CFAP91: variants seen among roughly 807,000 people sequenced by gnomAD.
The protein encoded by CFAP91 is cilia- and flagella-associated protein 91.
Under a neutral mutation model 95.9 loss-of-function variants are expected in CFAP91, and 85 were observed. The ratio of observed to expected loss-of-function variants is 0.89; its 90% CI spans 0.74 to 1.06. The LOEUF is 1.06. Ranked by LOEUF, CFAP91 falls within the 50% of genes least tolerant of loss-of-function variation. The pLI is 0.00. For missense variants in CFAP91, 962 were observed against 943.4 expected (o/e 1.02, Z -0.26); for synonymous variants, 335 against 327.5 (o/e 1.02, Z -0.25).
rs2054605736 is a variant in CFAP91, at chr3:119,765,130, A to T, written c.*80A>T. On this transcript the variant is annotated 3_prime_UTR_variant, in exon 18 of 18. Coordinates refer to ENST00000273390, the MANE Select transcript of CFAP91 (RefSeq NM_033364.4). The stretch of plus-strand genomic sequence containing the variant: ...AGTCTGCACTTCTCCCAAGGTGTGC[A>T]CTGCTCATAAACTTGCCAGTGTGTG... The T allele has an allele frequency of 6.6e-6, 1 of 152,204 alleles. No individual in the cohort carries two copies. Among genetic ancestry groups the T allele is most frequent in the Non-Finnish European group, 1.5e-5 (1 of 68,018 alleles). 9.4% of individuals were successfully genotyped at this position (152,204 alleles called of 1,614,324 possible).
At chr3:119,735,830 A>G (rs1355815519) in intron 10 of CFAP91, among the ~76,000 whole-genome samples, 1 of 152,032 alleles carries the variant, frequency 6.6e-6, no homozygotes. Flanking sequence ...TTTTACTTTT[A>G]TTGCTTTAGT....
rs77898226 is a variant in CFAP91 at position 119,720,830 on chromosome 3, C to T, written c.682+5087C>T. Among the ~76,000 whole-genome samples, 1,112 of 152,250 alleles carry T rather than the reference C, an allele frequency of 7.3e-3. 8 individuals carry two copies. Among genetic ancestry groups the T allele is most frequent in the Middle Eastern group, 0.037 (11 of 294 alleles). On this transcript the variant is annotated intron_variant, in intron 6 of 17. Coordinates refer to ENST00000273390, the MANE Select transcript of CFAP91 (RefSeq NM_033364.4). ...GCATTTGCATATAACCTACACACAT[C>T]CTCCCATATATTTAATCTCTAGATT...
chr3:119,763,479 G>A (rs560592797), intron 17 of CFAP91, among the ~76,000 whole-genome samples: 65 of 152,000 alleles, frequency 4.3e-4, no homozygotes, highest in Non-Finnish European at 8.2e-4. Context: ...TATATCCAAA[G>A]GTAATGAAAT....
At chr3:119,720,516 T>G (rs1307025978) in intron 6 of CFAP91, among the ~76,000 whole-genome samples, 1 of 152,078 alleles carries the variant, frequency 6.6e-6, no homozygotes, top group Non-Finnish European at 1.5e-5. Flanking sequence ...CTATAGAAAT[T>G]GACCTGGTAA....
In CFAP91 at chr3:119,749,936, T is replaced by A. The variant is rs570520997; in HGVS notation, c.2144-1001T>A. 4.5e-4 allele frequency among the ~76,000 whole-genome samples: 69 copies of A among 152,344 alleles called. 2 individuals are homozygous for A. Among genetic ancestry groups the A allele is most frequent in the African/African-American group, 1.7e-3 (69 of 41,576 alleles). Reference sequence around the variant, plus strand: ...TTCCAAGAAGTTCACTGAACATTTTTAAATGTACACTATCTCAATTTCTTT... The same window carrying A: ...TTCCAAGAAGTTCACTGAACATTTTAAAATGTACACTATCTCAATTTCTTT... On this transcript the variant is annotated intron_variant, in intron 16 of 17. Transcript: ENST00000273390.
In CFAP91 at chr3:119,718,092, C is replaced by T. The variant is rs74412413; in HGVS notation, c.682+2349C>T. Among the ~76,000 whole-genome samples the T allele has an allele frequency of 4.6e-3, 706 of 152,230 alleles. 4 individuals carry two copies. The highest frequency in any genetic ancestry group is 0.016 in the African/African-American group (658 of 41,538). On this transcript the variant is annotated intron_variant, in intron 6 of 17. Transcript: ENST00000273390. ...CTGCAGCTGGTCTCCACCCAAGAAC[C>T]CCAAAGCACACAAGGAACAGAGACA...
chr3:119,741,733 G>A (rs1400726608), intron 13 of CFAP91, among the ~76,000 whole-genome samples: 1 of 152,168 alleles, frequency 6.6e-6, no homozygotes, highest in Non-Finnish European at 1.5e-5. Context: ...AAGTTAATAT[G>A]ACCCCCCCTT....
chr3:119,713,862 C>T (rs953683174), intron 5 of CFAP91, among the ~76,000 whole-genome samples: 1 of 151,916 alleles, frequency 6.6e-6, no homozygotes, highest in African/African-American at 2.4e-5. Flanking sequence ...TTTTTGAATG[C>T]TCACAGGTAT....
intron 7 of CFAP91, among the ~76,000 whole-genome samples, chr3:119,728,955 G>A (rs2053839307): frequency 6.6e-6 from 1 of 152,180 alleles, no homozygotes; most frequent in Admixed American, 6.5e-5. Context: ...GTTGAGAGAA[G>A]GTGTTTTATC....
In CFAP91 at chr3:119,733,462, A is replaced by G. The variant is rs2107889438; in HGVS notation, c.1300A>G (p.Lys434Glu). The stretch of plus-strand genomic sequence containing the variant: ...CATTACCACCAAAGCTGGTTTTCTG[A>G]AGAGGGCAGCAAGGTTGGACTATGA... ...KVITTKAGFL[K>E]RAARLDYELA... The change falls in exon 10 of 18, where the codon AAG becomes GAG. Residue 434 changes from lysine to glutamate, a missense_variant. Coordinates refer to ENST00000273390, the MANE Select transcript of CFAP91 (RefSeq NM_033364.4). 7 of 1,614,158 alleles carry G rather than the reference A, an allele frequency of 4.3e-6. No homozygotes were observed. The highest frequency in any genetic ancestry group is 5.9e-6 in the Non-Finnish European group (7 of 1,179,984).
chr3:119,728,441 T>C (rs1443605688), intron 7 of CFAP91, among the ~76,000 whole-genome samples: 32 of 151,254 alleles, frequency 2.1e-4, no homozygotes, highest in Non-Finnish European at 2.9e-5. Flanking sequence ...ACTTCGTGTA[T>C]ACATTAACTC....
chr3:119,757,863 A>G (rs2054462825), intron 17 of CFAP91, among the ~76,000 whole-genome samples: 1 of 152,054 alleles, frequency 6.6e-6, no homozygotes, highest in South Asian at 2.1e-4. Flanking sequence ...AGTAAGGCCA[A>G]ATTTTCCCAT....
intron 17 of CFAP91, among the ~76,000 whole-genome samples, chr3:119,753,250 AG>A (rs1371764374): frequency 6.6e-6 from 1 of 152,102 alleles, no homozygotes; most frequent in African/African-American, 2.4e-5. Context: ...TTGCAAAACA[AG>A]GGGGACAAAA....
At chr3:119,740,873 G>GTA in intron 13 of CFAP91, 178 bp downstream of exon 13, 1 of 734,340 alleles carries the variant, frequency 1.4e-6, no homozygotes, top group Non-Finnish European at 2.2e-6. Flanking sequence ...GTGTGTGTGT[G>GTA]TGATGGAGTT....
At chr3:119,736,429 G>A (rs185988879) in intron 10 of CFAP91, among the ~76,000 whole-genome samples, 3 of 151,586 alleles carry the variant, frequency 2.0e-5, no homozygotes, top group Admixed American at 1.3e-4. Flanking sequence ...CCACCACCAC[G>A]CCTGGCTAAT....
At chr3:119,727,445 C>G (rs191571137) in intron 7 of CFAP91, among the ~76,000 whole-genome samples, 1 of 152,288 alleles carries the variant, frequency 6.6e-6, no homozygotes, top group East Asian at 1.9e-4. Context: ...AAAAATGTAT[C>G]TGGCCAGAGT....
intron 5 of CFAP91, among the ~76,000 whole-genome samples, chr3:119,711,395 C>T (rs2053470320): frequency 6.6e-6 from 1 of 152,146 alleles, no homozygotes; most frequent in Non-Finnish European, 1.5e-5. Flanking sequence ...TCTGGTAATT[C>T]TTTAAAATCA....
intron 9 of CFAP91, 25 bp downstream of exon 9, chr3:119,732,501 TC>T (rs780081298): frequency 6.9e-7 from 1 of 1,447,034 alleles, no homozygotes; most frequent in South Asian, 1.3e-5. Context: ...TAATTAGAAA[TC>T]CAGTATAAGA....
intron 6 of CFAP91, 72 bp from the exon 7 acceptor site, chr3:119,726,099 G>A (rs1167748643): frequency 3.1e-6 from 4 of 1,309,122 alleles, no homozygotes; most frequent in Non-Finnish European, 4.2e-6. Context: ...GAACTGACAG[G>A]GAGTTAATTA....
Sources: allele counts gnomAD v4.1 joint callset (sites outside exome capture counted in the v4.1 genomes callset), GRCh38; gene constraint gnomAD v4.1.1; transcripts MANE v1.5; gene names NCBI Gene and HGNC (gene_info 2026-07-23, HGNC 2026-07-21).